Variants in ERN1 observed in about 807,000 individuals in gnomAD.
The protein encoded by ERN1 is serine/threonine-protein kinase/endoribonuclease IRE1.
ERN1 carries 39 observed loss-of-function variants against 113.1 expected under a neutral mutation model. The ratio of observed to expected loss-of-function variants is 0.34; its 90% CI spans 0.27 to 0.45. The LOEUF (loss-of-function observed/expected upper bound fraction) is 0.45. Among genes scored for constraint, ERN1 ranks in the 20% least tolerant of loss-of-function variants. The probability of loss-of-function intolerance (pLI) is 1.00; values close to 1 mark genes in which losing one functional copy is unlikely to be tolerated. For synonymous variants in ERN1, 507 were observed against 515.9 expected (o/e 0.98, Z 0.23); for missense variants, 976 against 1,274.8 (o/e 0.77, Z 3.57).
chr17:64,065,400 A>G, intron 8 of ERN1, 113 bp from the exon 9 acceptor site: 1 of 729,240 alleles, frequency 1.4e-6, no homozygotes, highest in Non-Finnish European at 2.3e-6. Context: ...TTAACCCCCC[A>G]GACATGGAGG....
At chr17:64,056,706 C>T (rs1766262546) in intron 12 of ERN1, among the ~76,000 whole-genome samples, 2 of 152,238 alleles carry the variant, frequency 1.3e-5, no homozygotes, top group Admixed American at 1.3e-4. Context: ...GTCTCTTCTT[C>T]TCTCCACCAT....
chr17:64,125,880 G>A lies in ERN1; in HGVS notation c.54+4096C>T, dbSNP rs191960047. Among the ~76,000 whole-genome samples, 35 of 152,260 alleles carry A rather than the reference G, an allele frequency of 2.3e-4. No homozygotes were observed. The East Asian group carries it at 6.2e-3, about 27-fold the overall frequency. The stretch of plus-strand genomic sequence containing the variant: ...TGGTGTACTCAGAACATTTTCTACC[G>A]GGTTACAGAAGATGTTCTGTGGGGA... On this transcript the variant is annotated intron_variant, in intron 1 of 21. Transcript: ENST00000433197.
chr17:64,123,116 T>G lies in ERN1; in HGVS notation c.54+6860A>C, dbSNP rs574398271. On this transcript the variant is annotated intron_variant, in intron 1 of 21. Coordinates refer to ENST00000433197, the MANE Select transcript of ERN1 (RefSeq NM_001433.5). Reference sequence around the variant, plus strand: ...AATATTCCTAGGAAAAACAGCCACATGTTTTAAGAACTGCAGCCTCCAAAA... The same window carrying G: ...AATATTCCTAGGAAAAACAGCCACAGGTTTTAAGAACTGCAGCCTCCAAAA... 7.0e-4 allele frequency among the ~76,000 whole-genome samples: 106 copies of G among 152,302 alleles called. 1 individual carries two copies. The highest frequency in any genetic ancestry group is 2.2e-4 in the Non-Finnish European group (15 of 68,030).
intron 1 of ERN1, among the ~76,000 whole-genome samples, chr17:64,100,443 C>T (rs565691188): frequency 6.6e-6 from 1 of 152,280 alleles, no homozygotes; most frequent in African/African-American, 2.4e-5. Context: ...CTTGGGAGGC[C>T]ACACAAGAAA....
chr17:64,105,014 A>G (rs1177816703), intron 1 of ERN1, among the ~76,000 whole-genome samples: 2 of 138,112 alleles, frequency 1.4e-5, no homozygotes, highest in Non-Finnish European at 3.0e-5. Context: ...AGGCGTGTAC[A>G]CACACACACA....
At chr17:64,122,931 G>A (rs1914989430) in intron 1 of ERN1, among the ~76,000 whole-genome samples, 1 of 152,008 alleles carries the variant, frequency 6.6e-6, no homozygotes, top group Non-Finnish European at 1.5e-5. Context: ...ATTTTGAAAG[G>A]GACATTTTTT....
In ERN1 at chr17:64,055,699, G is replaced by C. The variant is rs1419134633; in HGVS notation, c.1648C>G (p.Pro550Ala). 6.2e-7 allele frequency: 1 copy of C among 1,601,352 alleles called. No homozygotes were observed. The highest frequency in any genetic ancestry group is 2.2e-5 in the East Asian group (1 of 44,690). The change falls in exon 13 of 22, where the codon CCC becomes GCC. Residue 550 changes from proline to alanine, a missense_variant. Pro to Ala is a conservative substitution (Grantham distance 27). Coordinates refer to ENST00000433197, the MANE Select transcript of ERN1 (RefSeq NM_001433.5). ...CCTCCATCGTCTTGTTCCAGGGAGGGGCTGCTGCCAGCCTTGGAGGCAGAG... is the reference window on the plus strand; with the variant it reads ...CCTCCATCGTCTTGTTCCAGGGAGGCGCTGCTGCCAGCCTTGGAGGCAGAG... Reference protein sequence around the residue: ...GSSASKAGSSPSLEQDDGDEE... With the variant: ...GSSASKAGSSASLEQDDGDEE...
chr17:64,110,501 A>T (rs987711873), intron 1 of ERN1, among the ~76,000 whole-genome samples: 16 of 152,330 alleles, frequency 1.1e-4, no homozygotes, highest in African/African-American at 3.6e-4. Context: ...GACGATGATA[A>T]TGTAGCCACT....
chr17:64,050,824 A>G (rs1211122251), intron 17 of ERN1, among the ~76,000 whole-genome samples: 2 of 152,196 alleles, frequency 1.3e-5, no homozygotes, highest in East Asian at 3.9e-4. Flanking sequence ...TGTTTTTATG[A>G]TTCTTCGCTG....
chr17:64,069,240 A>G (rs1913333182), intron 6 of ERN1, among the ~76,000 whole-genome samples: 1 of 152,250 alleles, frequency 6.6e-6, no homozygotes, highest in Non-Finnish European at 1.5e-5. Context: ...CATTGCACTC[A>G]CATTCCAAAG....
rs1308238311 is a variant in ERN1, at chr17:64,051,222, TA to T, written c.2253+1557del. On this transcript the variant is annotated intron_variant, in intron 17 of 21. Coordinates refer to ENST00000433197, the MANE Select transcript of ERN1 (RefSeq NM_001433.5). ...CTCTGCTTTACAGAAAAATGTCAGC[TA>T]ACAATGTAGAAGAATTTCTACTCAA... is the stretch of plus-strand genomic sequence containing the variant. Among the ~76,000 whole-genome samples, 4 of 151,406 alleles carry T rather than the reference TA, an allele frequency of 2.6e-5. No homozygotes were observed. In the East Asian group the frequency reaches 7.7e-4, roughly 29 times the overall value.
At chr17:64,075,303 AC>A in intron 4 of ERN1, 56 bp from the exon 5 acceptor site, 1 of 1,406,530 alleles carries the variant, frequency 7.1e-7, no homozygotes, top group South Asian at 1.4e-5. Context: ...TGCAATTATT[AC>A]AATTTTACCA....
At chr17:64,071,619 G>A (rs1308779651) in intron 6 of ERN1, among the ~76,000 whole-genome samples, 6 of 152,152 alleles carry the variant, frequency 3.9e-5, no homozygotes, top group South Asian at 4.1e-4. Flanking sequence ...ATGGGGTTTC[G>A]CCATGTTGGT....
At chr17:64,104,075 CA>C (rs112224039) in intron 1 of ERN1, among the ~76,000 whole-genome samples, 2,823 of 121,162 alleles carry the variant, frequency 0.023, 68 homozygotes, top group African/African-American at 0.076. Flanking sequence ...CCCATCTTGA[CA>C]AAAAAAAAAA....
At chr17:64,079,462 G>A (rs1913699036) in intron 4 of ERN1, among the ~76,000 whole-genome samples, 200 bp downstream of exon 4, 1 of 152,092 alleles carries the variant, frequency 6.6e-6, no homozygotes, top group African/African-American at 2.4e-5. Context: ...CTGAACTCTG[G>A]CACCACATTT....
At chr17:64,113,027 T>C (rs1273196668) in intron 1 of ERN1, among the ~76,000 whole-genome samples, 1 of 152,208 alleles carries the variant, frequency 6.6e-6, no homozygotes, top group African/African-American at 2.4e-5. Flanking sequence ...ATATTTCCAC[T>C]GTGACTAGCA....
chr17:64,054,440 C>T lies in ERN1; in HGVS notation c.1764-1G>A. 1.3e-6 allele frequency: 2 copies of T among 1,555,824 alleles called. No homozygotes were observed. Among genetic ancestry groups the T allele is most frequent in the Non-Finnish European group, 1.7e-6 (2 of 1,148,890 alleles). On this transcript the variant is annotated splice_acceptor_variant, in intron 14 of 21. Coordinates refer to ENST00000433197, the MANE Select transcript of ERN1 (RefSeq NM_001433.5). LOFTEE classifies it high-confidence loss of function. The surrounding 1 kb of genome is among the most constrained non-coding windows in gnomAD (Gnocchi z 4.9). ...CACGTCGCGGTTGTCAAACATGCCC[C>T]TGCGGGATGAGGAGTGGGAGTTGTG...
chr17:64,121,884 A>G (rs1914964927), intron 1 of ERN1, among the ~76,000 whole-genome samples: 2 of 152,258 alleles, frequency 1.3e-5, no homozygotes, highest in Admixed American at 1.3e-4. Flanking sequence ...AGGTGAAGGC[A>G]GCATTCCCAT....
Position 64,125,731 on chromosome 17 carries a change from C to G in ERN1, c.54+4245G>C, listed in dbSNP as rs150146485. Among the ~76,000 whole-genome samples the G allele has an allele frequency of 3.9e-3, 590 of 152,316 alleles. 2 individuals carry two copies. Among genetic ancestry groups the G allele is most frequent in the African/African-American group, 0.013 (554 of 41,564 alleles). On this transcript the variant is annotated intron_variant, in intron 1 of 21. Transcript: ENST00000433197. ...CTCGAACGCCTGACCTCAAGTGATT[C>G]ACCCGCCTTGGCCTCCTAAAGTGCT...
Sources: gnomAD v4.1 joint callset for allele counts (sites outside exome capture counted in the v4.1 genomes callset) on GRCh38, gnomAD v4.1.1 for gene constraint, Gnocchi (gnomAD v3.1) non-coding constraint, MANE v1.5 for transcripts, NCBI Gene and HGNC (gene_info 2026-07-23, HGNC 2026-07-21) for gene names.